CNGB3: variants seen among roughly 807,000 people sequenced by gnomAD.
CNGB3 encodes the protein cyclic nucleotide gated channel subunit beta 3.
In CNGB3, 86 loss-of-function variants were observed where a neutral mutation model predicts 92.8. That is an observed-to-expected ratio of 0.93 (90% CI 0.78 to 1.11). CNGB3 has a LOEUF of 1.11. Ranked by LOEUF, CNGB3 falls within the 50% of genes least tolerant of loss-of-function variation. The pLI is 0.00. For missense variants in CNGB3, 1,026 were observed against 956.8 expected, an observed-to-expected ratio of 1.07 and a Z score of -0.95; for synonymous variants, 333 against 332.7, an observed-to-expected ratio of 1.00 and a Z score of -0.01.
At chr8:86,685,194 T>G (rs1193424611) in intron 3 of CNGB3, among the ~76,000 whole-genome samples, 1 of 152,132 alleles carries the variant, frequency 6.6e-6, no homozygotes. Flanking sequence ...CCAAATTAAA[T>G]TTTTAATTCA....
Position 86,662,411 on chromosome 8 carries a change from A to G in CNGB3, c.852+4514T>C, listed in dbSNP as rs148376417. ...CCCTACTCTCAAGAAACTTATCCTCAGGTAAGAAAGAGAGATACATAGACA... is the reference window on the plus strand; with the variant it reads ...CCCTACTCTCAAGAAACTTATCCTCGGGTAAGAAAGAGAGATACATAGACA... On this transcript the variant is annotated intron_variant, in intron 6 of 17. Transcript: ENST00000320005. 4.5e-3 allele frequency among the ~76,000 whole-genome samples: 679 copies of G among 152,340 alleles called. 4 individuals carry two copies. The highest frequency in any genetic ancestry group is 0.015 in the African/African-American group (640 of 41,580).
At chr8:86,689,497 T>TTA (rs145435920) in intron 3 of CNGB3, among the ~76,000 whole-genome samples, 3 of 149,694 alleles carry the variant, frequency 2.0e-5, no homozygotes, top group South Asian at 2.1e-4. Context: ...CACAAACCAA[T>TTA]TATATATATA....
intron 3 of CNGB3, among the ~76,000 whole-genome samples, chr8:86,709,993 G>A (rs1208405366): frequency 6.6e-6 from 1 of 152,144 alleles, no homozygotes; most frequent in African/African-American, 2.4e-5. Flanking sequence ...CTAAACAGTT[G>A]AGATAAAATG....
intron 3 of CNGB3, among the ~76,000 whole-genome samples, chr8:86,699,054 A>G (rs958805429): frequency 2.0e-5 from 3 of 152,150 alleles, no homozygotes; most frequent in Non-Finnish European, 2.9e-5. Flanking sequence ...TCAGCAAATG[A>G]GAGTTTTCTT....
At chr8:86,715,834 G>A (rs1319351759) in intron 3 of CNGB3, among the ~76,000 whole-genome samples, 3 of 110,710 alleles carry the variant, frequency 2.7e-5, no homozygotes, top group East Asian at 6.5e-4. Flanking sequence ...GTGGGGTGGG[G>A]GGAGGGGGGA....
chr8:86,642,139 C>A (rs1028060344), intron 10 of CNGB3, among the ~76,000 whole-genome samples: 1 of 151,598 alleles, frequency 6.6e-6, no homozygotes, highest in African/African-American at 2.4e-5. Context: ...TCCCTAGAAA[C>A]TCCACAGAGA....
intron 10 of CNGB3, 79 bp from the exon 11 acceptor site, chr8:86,632,972 A>G (rs896519082): frequency 9.3e-6 from 12 of 1,285,878 alleles, no homozygotes; most frequent in Non-Finnish European, 1.3e-5. Flanking sequence ...ATATAGTACT[A>G]TTAAATTATA....
intron 12 of CNGB3, among the ~76,000 whole-genome samples, chr8:86,628,433 C>A (rs189194740): frequency 3.3e-5 from 5 of 152,240 alleles, no homozygotes; most frequent in Non-Finnish European, 7.4e-5. Flanking sequence ...GCATTGTTAA[C>A]CCCCACTTGT....
intron 6 of CNGB3, among the ~76,000 whole-genome samples, chr8:86,665,737 T>TAGAGGG (rs1366890123): frequency 6.6e-6 from 1 of 152,014 alleles, no homozygotes; most frequent in Non-Finnish European, 1.5e-5. Flanking sequence ...TGGGGATGAC[T>TAGAGGG]AGAGGGAGGA....
rs1018551681 is a variant in CNGB3, at chr8:86,661,913, G to A, written c.852+5012C>T. 5 of 777,652 alleles carry A rather than the reference G, an allele frequency of 6.4e-6. No individual in the cohort carries two copies. In the African/African-American group the frequency reaches 8.5e-5, roughly 13 times the overall value. The allele number at this position is 777,652 out of a possible 1,614,324, so 48.2% of individuals were successfully genotyped here. ...ACCATATTGGTGAAAAAGATGGATA[G>A]GATTCTTGGAATCTCTAGGCACGAG... On this transcript the variant is annotated intron_variant, in intron 6 of 17. Coordinates refer to ENST00000320005, the MANE Select transcript of CNGB3 (RefSeq NM_019098.5).
At chr8:86,673,095 T>C (rs1056866606) in intron 3 of CNGB3, among the ~76,000 whole-genome samples, 8 of 152,228 alleles carry the variant, frequency 5.3e-5, no homozygotes, top group African/African-American at 1.9e-4. Flanking sequence ...GAGTTTCTAC[T>C]TTATGTACTG....
chr8:86,728,592 A>G (rs937165907), intron 2 of CNGB3, among the ~76,000 whole-genome samples: 2 of 152,182 alleles, frequency 1.3e-5, no homozygotes, highest in African/African-American at 4.8e-5. Flanking sequence ...CAATTACTGT[A>G]TGATATTTAG....
Position 86,647,807 on chromosome 8 carries a change from C to T in CNGB3, c.984G>A (p.Met328Ile). 2.0e-6 allele frequency: 3 copies of T among 1,489,592 alleles called. No individual in the cohort carries two copies. The highest frequency in any genetic ancestry group is 2.8e-6 in the Non-Finnish European group (3 of 1,067,852). The allele number at this position is 1,489,592 out of a possible 1,614,324, so 92.3% of individuals were successfully genotyped here. Residue 328 changes from methionine to isoleucine, a missense_variant, in exon 8 of 18, where the codon ATG (methionine) becomes ATA (isoleucine). Physicochemically the swap from Met to Ile is conservative, Grantham distance 10. Transcript: ENST00000320005. ...GFNPMFRANR[M>I]LKYTSFFEFN... Reference sequence around the variant, plus strand: ...TTAAATATAGTTATCTTACCTTTAACATCCTATTTGCTCTAAACATTGGAT... The same window carrying T: ...TTAAATATAGTTATCTTACCTTTAATATCCTATTTGCTCTAAACATTGGAT...
chr8:86,665,767 G>C (rs1343436226), intron 6 of CNGB3, among the ~76,000 whole-genome samples: 2 of 152,136 alleles, frequency 1.3e-5, no homozygotes, highest in African/African-American at 4.8e-5. Flanking sequence ...GGAGGAAGTG[G>C]GGGAGGGCAG....
chr8:86,590,763 G>C (rs1319362085), intron 15 of CNGB3, among the ~76,000 whole-genome samples: 2 of 144,514 alleles, frequency 1.4e-5, no homozygotes. Flanking sequence ...CTCTCTGGCT[G>C]CCCTTAACAT....
intron 15 of CNGB3, among the ~76,000 whole-genome samples, chr8:86,586,979 C>T (rs1345932212): frequency 2.1e-5 from 3 of 145,202 alleles, no homozygotes; most frequent in African/African-American, 8.0e-5. Flanking sequence ...CCTATTTCTC[C>T]ACATCCTCTC....
chr8:86,694,629 G>A (rs572362982), intron 3 of CNGB3, among the ~76,000 whole-genome samples: 2 of 151,610 alleles, frequency 1.3e-5, no homozygotes, highest in South Asian at 2.1e-4. Context: ...ACAGGGTCGC[G>A]GCCGGGCAGA....
chr8:86,737,110 G>A (rs756739214), intron 2 of CNGB3, among the ~76,000 whole-genome samples: 18 of 152,050 alleles, frequency 1.2e-4, no homozygotes, highest in Admixed American at 5.9e-4. Flanking sequence ...AAAGATAGTG[G>A]CAAAAACACC....
chr8:86,590,023 C>T (rs1487288210), intron 15 of CNGB3, among the ~76,000 whole-genome samples: 5 of 147,668 alleles, frequency 3.4e-5, no homozygotes, highest in Non-Finnish European at 7.5e-5. Context: ...CTGGGTGCTC[C>T]TGTATTGGGT....
Sources: gnomAD v4.1 joint callset for allele counts (sites outside exome capture counted in the v4.1 genomes callset) on GRCh38, gnomAD v4.1.1 for gene constraint, MANE v1.5 for transcripts, NCBI Gene and HGNC (gene_info 2026-07-23, HGNC 2026-07-21) for gene names.